KPNA7: variants seen among roughly 807,000 people sequenced by gnomAD.
KPNA7 encodes importin subunit alpha-8.
A neutral mutation model predicts 53.7 loss-of-function variants in KPNA7; 54 were observed. The observed-to-expected ratio is 1.01, with a 90% CI of 0.81 to 1.26. The LOEUF is 1.26. KPNA7 is among the 50% of genes most tolerant of loss of function. The pLI is 0.00. For missense variants in KPNA7, 640 were observed against 644.5 expected, an observed-to-expected ratio of 0.99 and a Z score of 0.07; for synonymous variants, 276 against 259.3, an observed-to-expected ratio of 1.06 and a Z score of -0.62.
At chr7:99,159,023 C>G in the KPNA7 span, among the ~76,000 whole-genome samples, 1 of 152,002 alleles carries the variant, frequency 6.6e-6, no homozygotes, top group African/African-American at 2.4e-5. Context: ...CACCACGACG[C>G]CCGGCTAACT....
chr7:99,181,710 G>A (rs956230327), intron 9 of KPNA7, among the ~76,000 whole-genome samples, 173 bp downstream of exon 9: 3 of 152,128 alleles, frequency 2.0e-5, no homozygotes, highest in African/African-American at 7.2e-5. Context: ...ACCTTTCCCG[G>A]CTAATTTGAC....
At chr7:99,218,477 A>T (rs902475964) in intron 1 of KPNA7, among the ~76,000 whole-genome samples, 3 of 152,038 alleles carry the variant, frequency 2.0e-5, no homozygotes, top group African/African-American at 7.3e-5. Flanking sequence ...CCCGGGGAGT[A>T]CTTCAGGAAG....
intron 5 of KPNA7, among the ~76,000 whole-genome samples, chr7:99,193,569 C>G (rs986020392): frequency 1.3e-5 from 2 of 152,148 alleles, no homozygotes; most frequent in African/African-American, 4.8e-5. Flanking sequence ...CCATCAAAGG[C>G]AAGTCATCAC....
the KPNA7 span, among the ~76,000 whole-genome samples, chr7:99,160,105 AGCT>A: frequency 7.0e-6 from 1 of 142,932 alleles, no homozygotes. Flanking sequence ...GCTCACTGCA[AGCT>A]CCGCCTCCCA....
chr7:99,192,447 C>T (rs142542423), intron 6 of KPNA7, among the ~76,000 whole-genome samples: 1,616 of 152,300 alleles, frequency 0.011, 34 homozygotes, highest in African/African-American at 0.036. Flanking sequence ...GAGTCTCAAC[C>T]TGTCACCCAG....
At chr7:99,155,735 T>G in the KPNA7 span, among the ~76,000 whole-genome samples, 5 of 152,096 alleles carry the variant, frequency 3.3e-5, no homozygotes, top group East Asian at 1.9e-4. Flanking sequence ...TTTTTTTTTT[T>G]TGTATTTTTT....
chr7:99,148,019 TA>T, the KPNA7 span, among the ~76,000 whole-genome samples: 22,861 of 141,312 alleles, frequency 0.16, 1,961 homozygotes, highest in East Asian at 0.25. Context: ...CCCATGTCTT[TA>T]AAAAAAAAAA....
chr7:99,200,693 A>G (rs1790479203), intron 3 of KPNA7, among the ~76,000 whole-genome samples: 2 of 152,186 alleles, frequency 1.3e-5, no homozygotes, highest in African/African-American at 4.8e-5. Flanking sequence ...TAAATAAACA[A>G]GGCCAGACAC....
upstream of KPNA7, among the ~76,000 whole-genome samples, chr7:99,211,909 G>C (rs1050290697): frequency 6.6e-6 from 1 of 152,154 alleles, no homozygotes; most frequent in Non-Finnish European, 1.5e-5. Flanking sequence ...AGCCAGAGAG[G>C]TGGAGGGTGA....
In KPNA7 at chr7:99,181,918, G is replaced by T; in HGVS notation, c.1282C>A (p.Leu428Ile). 1 of 1,550,930 alleles carries T rather than the reference G, an allele frequency of 6.4e-7. No homozygotes were observed. Among genetic ancestry groups the T allele is most frequent in the South Asian group, 1.2e-5 (1 of 83,990 alleles). ...LLTAPDVKIVLIILDVISCIL... is the reference protein window; with the variant it reads ...LLTAPDVKIVIIILDVISCIL... ...CAAGAGATGACATCAAGGATGATGAGAACAATTTTAACATCTGGGGCAGTG... is the reference window on the plus strand; with the variant it reads ...CAAGAGATGACATCAAGGATGATGATAACAATTTTAACATCTGGGGCAGTG... Residue 428 changes from leucine to isoleucine, a missense_variant, in exon 9 of 11, where the codon CTC becomes ATC. Leu to Ile is a conservative substitution (Grantham distance 5). Coordinates refer to ENST00000327442, the MANE Select transcript of KPNA7 (RefSeq NM_001145715.3).
chr7:99,181,935 G>A lies in KPNA7; in HGVS notation c.1265C>T (p.Pro422Leu), dbSNP rs1360415864. ...GATGATGAGAACAATTTTAACATCT[G>A]GGGCAGTGAGCAGATTCACCAGTGG... ...LEPLVNLLTA[P>L]DVKIVLIILD... The change falls in exon 9 of 11, where the codon CCA (proline) becomes CTA (leucine). Residue 422 changes from proline (P) to leucine (L), a missense_variant. Coordinates refer to ENST00000327442, the MANE Select transcript of KPNA7 (RefSeq NM_001145715.3). 1.3e-6 allele frequency: 2 copies of A among 1,551,394 alleles called. No homozygotes were observed. Among genetic ancestry groups the A allele is most frequent in the African/African-American group, 1.4e-5 (1 of 73,146 alleles).
chr7:99,176,003 T>C (rs1798883967), intron 10 of KPNA7, among the ~76,000 whole-genome samples: 2 of 152,056 alleles, frequency 1.3e-5, no homozygotes, highest in Admixed American at 1.3e-4. Flanking sequence ...GCCTTCCTCA[T>C]ATGAAAAATT....
Position 99,185,054 on chromosome 7 carries a change from T to G in KPNA7, c.1009A>C (p.Asn337His). The G allele has an allele frequency of 6.4e-7, 1 of 1,551,920 alleles. No homozygotes were observed. The highest frequency in any genetic ancestry group is 8.7e-7 in the Non-Finnish European group (1 of 1,147,036). ...LNVLPQLLQH[N>H]KPSIQKEAAW... ...GCCTCCTTCTGGATGGAGGGCTTGT[T>G]GTGTTGCAGGAGCTGGGGGAGCACG... The change falls in exon 8 of 11, where the codon AAC (asparagine) becomes CAC (histidine). Residue 337 changes from asparagine to histidine, a missense_variant. Physicochemically the swap from Asn to His is moderately conservative, Grantham distance 68 (BLOSUM62 1). Coordinates refer to ENST00000327442, the MANE Select transcript of KPNA7 (RefSeq NM_001145715.3).
the KPNA7 span, among the ~76,000 whole-genome samples, chr7:99,155,459 T>C: frequency 6.6e-6 from 1 of 152,228 alleles, no homozygotes; most frequent in African/African-American, 2.4e-5. Flanking sequence ...TCACACCACA[T>C]TTCAGTTGGC....
At chr7:99,201,923 G>T (rs893149716) in intron 3 of KPNA7, among the ~76,000 whole-genome samples, 1 of 151,948 alleles carries the variant, frequency 6.6e-6, no homozygotes, top group Non-Finnish European at 1.5e-5. Context: ...GGCCAGGCTG[G>T]TCTCGAACTC....
intron 10 of KPNA7, among the ~76,000 whole-genome samples, chr7:99,175,067 TCC>T (rs372742701): frequency 0.023 from 3,487 of 151,988 alleles, 131 homozygotes; most frequent in African/African-American, 0.081. Context: ...CGCCTTGGCC[TCC>T]CCCAAAGTGC....
the KPNA7 span, among the ~76,000 whole-genome samples, chr7:99,163,844 G>C: frequency 1.3e-5 from 2 of 151,918 alleles, no homozygotes; most frequent in South Asian, 4.1e-4. Context: ...CTCCTCATGG[G>C]CATCACTTAA....
At chr7:99,195,367 G>C (rs1033515378) in intron 4 of KPNA7, 29 bp from the exon 5 acceptor site, 8 of 1,545,348 alleles carry the variant, frequency 5.2e-6, no homozygotes, top group Non-Finnish European at 7.0e-6. Context: ...GGCAGGGGAG[G>C]GGGAGGTCAA....
At chr7:99,169,912 G>A (rs1389044981), downstream of KPNA7, among the ~76,000 whole-genome samples, 1 of 152,028 alleles carries the variant, frequency 6.6e-6, no homozygotes, top group Non-Finnish European at 1.5e-5. Context: ...ATGGTGGCTT[G>A]TACCTGTAAT....
Sources: allele counts gnomAD v4.1 joint callset (sites outside exome capture counted in the v4.1 genomes callset), GRCh38; gene constraint gnomAD v4.1.1; transcripts MANE v1.5; gene names NCBI Gene and HGNC (gene_info 2026-07-23, HGNC 2026-07-21).